The following MFHAS1 variants were observed in gnomAD, a reference collection of about 807,000 sequenced individuals.
The protein encoded by MFHAS1 is multifunctional ROCO family signaling regulator 1, also known as malignant fibrous histiocytoma-amplified sequence 1.
A neutral mutation model predicts 70.4 loss-of-function variants in MFHAS1; 50 were observed. The observed-to-expected ratio is 0.71, with a 90% CI of 0.57 to 0.90. MFHAS1 has a LOEUF of 0.90. Ranked by LOEUF, MFHAS1 falls within the 40% of genes least tolerant of loss-of-function variation. The pLI, the probability that MFHAS1 is intolerant of heterozygous loss-of-function variation, is 0.00. For missense variants in MFHAS1, 1,795 were observed against 1,347.6 expected (o/e 1.33, Z -5.20); for synonymous variants, 952 against 620.0 (o/e 1.54, Z -7.96).
intron 1 of MFHAS1, among the ~76,000 whole-genome samples, chr8:8,872,309 C>T (rs181507356): frequency 1.2e-4 from 19 of 152,228 alleles, no homozygotes; most frequent in Middle Eastern, 3.4e-3. Context: ...GTTATGATCT[C>T]GATGGAAATC....
chr8:8,878,538 A>G (rs1809383421), intron 1 of MFHAS1, among the ~76,000 whole-genome samples: 1 of 152,162 alleles, frequency 6.6e-6, no homozygotes, highest in Non-Finnish European at 1.5e-5. Context: ...CCTTTATGAC[A>G]TGAAAAACAA....
intron 1 of MFHAS1, among the ~76,000 whole-genome samples, chr8:8,845,024 TAAG>T (rs1182234759): frequency 1.3e-5 from 2 of 152,198 alleles, no homozygotes; most frequent in Non-Finnish European, 2.9e-5. Flanking sequence ...AGAGGAAAAC[TAAG>T]AAGACCTATA....
intron 1 of MFHAS1, among the ~76,000 whole-genome samples, chr8:8,855,856 A>G (rs1563206022): frequency 6.6e-6 from 1 of 152,198 alleles, no homozygotes; most frequent in Non-Finnish European, 1.5e-5. Flanking sequence ...ACGCCGTCTC[A>G]AAAAAGAAAA....
intron 1 of MFHAS1, among the ~76,000 whole-genome samples, chr8:8,830,715 GC>G (rs1178397728): frequency 1.3e-5 from 2 of 152,148 alleles, no homozygotes; most frequent in Non-Finnish European, 2.9e-5. Flanking sequence ...TAATTCACAT[GC>G]CTCAGCCTCC....
chr8:8,860,522 C>A (rs887789300), intron 1 of MFHAS1, among the ~76,000 whole-genome samples: 1 of 152,194 alleles, frequency 6.6e-6, no homozygotes, highest in Non-Finnish European at 1.5e-5. Flanking sequence ...TACACTTGTA[C>A]CGGATTCTCT....
chr8:8,788,831 C>T (rs560397685), intron 2 of MFHAS1, among the ~76,000 whole-genome samples: 3 of 152,306 alleles, frequency 2.0e-5, no homozygotes, highest in South Asian at 2.1e-4. Context: ...AGGGCAGCAG[C>T]CAGCCAGTGG....
rs147778000 is a variant in MFHAS1, at chr8:8,891,364, G to A, written c.1695C>T (p.Asp565=). 3.7e-5 allele frequency: 60 copies of A among 1,611,288 alleles called. No individual in the cohort carries two copies. The African/African-American group carries it at 7.1e-4, about 19-fold the overall frequency. Residue 565 remains aspartate (D), a synonymous_variant, in exon 1 of 3, where the codon GAC becomes GAT. Coordinates refer to ENST00000276282, the MANE Select transcript of MFHAS1 (RefSeq NM_004225.3). The surrounding 1 kb of genome is among the most constrained non-coding windows in gnomAD (Gnocchi z 5.4). ...HRQIALQEKH[D]AEGLSRLAKV... is the part of the protein sequence containing the mutation. ...TGGCCAAGCGGCTCAGTCCCTCCGC[G>A]TCGTGCTTCTCCTGCAGGGCGATCT... is the stretch of plus-strand genomic sequence containing the variant.
chr8:8,841,167 G>A (rs1000336294), intron 1 of MFHAS1, among the ~76,000 whole-genome samples: 4 of 152,206 alleles, frequency 2.6e-5, no homozygotes, highest in East Asian at 3.9e-4. Flanking sequence ...TACCGATGGC[G>A]GGCTGTACTT....
At position 8,785,826 on chromosome 8, in the gene MFHAS1, G is replaced by A. The variant is rs569215338; in HGVS notation, c.*196C>T. ...TCAGGTTGTAAAACATTTGCTCCAT[G>A]TTCTCGTCCATGCTTCCCCCCACCA... On this transcript the variant is annotated 3_prime_UTR_variant, in exon 3 of 3. Coordinates refer to ENST00000276282, the MANE Select transcript of MFHAS1 (RefSeq NM_004225.3). 3 of 526,768 alleles carry A rather than the reference G, an allele frequency of 5.7e-6. No homozygotes were observed. In the Admixed American group the frequency reaches 8.7e-5, roughly 15 times the overall value. The allele number at this position is 526,768 out of a possible 1,614,324, so 32.6% of individuals were successfully genotyped here.
chr8:8,799,960 G>C (rs768501042), intron 1 of MFHAS1, among the ~76,000 whole-genome samples: 5 of 152,180 alleles, frequency 3.3e-5, no homozygotes, highest in Non-Finnish European at 7.3e-5. Context: ...GATGTACCCA[G>C]AGTCAGGAGC....
At chr8:8,813,967 A>C (rs1329571886) in intron 1 of MFHAS1, among the ~76,000 whole-genome samples, 1 of 145,924 alleles carries the variant, frequency 6.9e-6, no homozygotes, top group African/African-American at 2.6e-5. Flanking sequence ...GAGACAGAGT[A>C]TTGCTCTGTT....
chr8:8,810,960 A>C (rs1232842088), intron 1 of MFHAS1, among the ~76,000 whole-genome samples: 1 of 152,134 alleles, frequency 6.6e-6, no homozygotes, highest in African/African-American at 2.4e-5. Flanking sequence ...GAGAGGAGAA[A>C]ACCCACAGGC....
At chr8:8,860,630 A>G (rs1296668538) in intron 1 of MFHAS1, among the ~76,000 whole-genome samples, 1 of 152,192 alleles carries the variant, frequency 6.6e-6, no homozygotes, top group African/African-American at 2.4e-5. Context: ...ATGAAGTGAC[A>G]GCCGCTTTCC....
At chr8:8,805,407 A>G (rs1041313803) in intron 1 of MFHAS1, among the ~76,000 whole-genome samples, 15 of 152,032 alleles carry the variant, frequency 9.9e-5, no homozygotes, top group African/African-American at 3.6e-4. Flanking sequence ...TTCTTACAAT[A>G]AAATAAGCTA....
intron 1 of MFHAS1, among the ~76,000 whole-genome samples, chr8:8,831,125 T>C (rs1462580528): frequency 1.3e-5 from 2 of 151,770 alleles, no homozygotes; most frequent in South Asian, 4.2e-4. Context: ...TGTCCTCACA[T>C]GGCAGAGAGA....
In MFHAS1 at chr8:8,892,963, G is replaced by C; in HGVS notation, c.96C>G (p.Leu32=). 1 of 1,544,164 alleles carries C rather than the reference G, an allele frequency of 6.5e-7. No homozygotes were observed. The highest frequency in any genetic ancestry group is 1.2e-5 in the South Asian group (1 of 84,056). ...ARKLRSNLRQ[L]TLTAAGACPG... ...GGCAGGCCCCGGCGGCGGTAAGCGTGAGCTGGCGCAGGTTGCTCCGCAGCT... is the reference window on the plus strand; with the variant it reads ...GGCAGGCCCCGGCGGCGGTAAGCGTCAGCTGGCGCAGGTTGCTCCGCAGCT... The change falls in exon 1 of 3, where the codon CTC becomes CTG. Residue 32 remains leucine (L), a synonymous_variant. Transcript: ENST00000276282. The surrounding 1 kb of genome is among the most constrained non-coding windows in gnomAD (Gnocchi z 4.7).
chr8:8,841,258 T>C (rs1000708214), intron 1 of MFHAS1, among the ~76,000 whole-genome samples: 5 of 152,144 alleles, frequency 3.3e-5, no homozygotes, highest in Non-Finnish European at 7.3e-5. Flanking sequence ...GCGGATCACC[T>C]GCGGTCATGA....
chr8:8,888,696 G>C (rs1249491699), intron 1 of MFHAS1, among the ~76,000 whole-genome samples: 1 of 152,112 alleles, frequency 6.6e-6, no homozygotes, highest in Non-Finnish European at 1.5e-5. Flanking sequence ...GTGGTTGCCG[G>C]GGTTGGGGGG....
At position 8,785,340 on chromosome 8, in the gene MFHAS1, T is replaced by C. The variant is rs1284731784; in HGVS notation, c.*682A>G. ...GCACATTTAAGGTTCTTTCTGATTA[T>C]TGGCAATCTCTATGAACCAACACTT... On this transcript the variant is annotated 3_prime_UTR_variant, in exon 3 of 3. Transcript: ENST00000276282. 3 of 152,140 alleles carry C rather than the reference T, an allele frequency of 2.0e-5. No homozygotes were observed. Among genetic ancestry groups the C allele is most frequent in the African/African-American group, 4.8e-5 (2 of 41,364 alleles). 9.4% of individuals were successfully genotyped at this position (152,140 alleles called of 1,614,324 possible).
Sources: allele counts gnomAD v4.1 joint callset (sites outside exome capture counted in the v4.1 genomes callset), GRCh38; gene constraint gnomAD v4.1.1; non-coding constraint Gnocchi (gnomAD v3.1); transcripts MANE v1.5; gene names NCBI Gene and HGNC (gene_info 2026-07-23, HGNC 2026-07-21).